GABBR2: variants seen among roughly 807,000 people sequenced by gnomAD.
The protein encoded by GABBR2 is G-protein coupled receptor 51.
GABBR2 carries 23 observed loss-of-function variants against 105.6 expected under a neutral mutation model. The observed-to-expected ratio is 0.22, with a 90% confidence interval of 0.16 to 0.31. GABBR2 has a LOEUF of 0.31. Ranked by LOEUF, GABBR2 falls within the 10% of genes least tolerant of loss-of-function variation. The probability of loss-of-function intolerance (pLI) is 1.00; values close to 1 mark genes in which losing one functional copy is unlikely to be tolerated. For missense variants in GABBR2, 734 were observed against 1,245.5 expected, an observed-to-expected ratio of 0.59 and a Z score of 6.18; for synonymous variants, 478 against 499.7, an observed-to-expected ratio of 0.96 and a Z score of 0.58.
At chr9:98,319,902 A>G (rs1231949747) in intron 13 of GABBR2, among the ~76,000 whole-genome samples, 3 of 152,224 alleles carry the variant, frequency 2.0e-5, no homozygotes, top group African/African-American at 7.2e-5. Flanking sequence ...AGTAAGATTC[A>G]GGACATAGGC....
At chr9:98,489,141 CA>C (rs773807409) in intron 4 of GABBR2, among the ~76,000 whole-genome samples, 13 of 152,188 alleles carry the variant, frequency 8.5e-5, no homozygotes, top group Non-Finnish European at 1.9e-4. Flanking sequence ...TATTTACAAA[CA>C]CAGAGAGTAG....
At chr9:98,427,451 G>C (rs146393204) in intron 7 of GABBR2, among the ~76,000 whole-genome samples, 1 of 152,112 alleles carries the variant, frequency 6.6e-6, no homozygotes, top group South Asian at 2.1e-4. Flanking sequence ...TATTTTTCTT[G>C]CTCAGCAACC....
chr9:98,449,514 T>C (rs1826195412), intron 7 of GABBR2, among the ~76,000 whole-genome samples: 3 of 152,096 alleles, frequency 2.0e-5, no homozygotes, highest in Non-Finnish European at 4.4e-5. Context: ...TGCTGTTTAA[T>C]ATGTGAATTC....
Position 98,437,626 on chromosome 9 carries a change from C to T in GABBR2, c.1236+16355G>A, listed in dbSNP as rs532414344. 2.1e-4 allele frequency among the ~76,000 whole-genome samples: 29 copies of T among 141,130 alleles called. 1 individual carries two copies. In the South Asian group the frequency reaches 6.5e-3, roughly 32 times the overall value. 92.6% of individuals were successfully genotyped at this position (141,130 alleles called of 152,430 possible). A position where few individuals can be genotyped will look rare whatever the true frequency, so the allele number is the denominator to read the frequency against. ...CTATGTCTGTCCTCTTATCTGCCCA[C>T]CTGCCATCTTCCTGTTAATCCATCC... is the stretch of plus-strand genomic sequence containing the variant. On this transcript the variant is annotated intron_variant, in intron 7 of 18. Transcript: ENST00000259455.
intron 1 of GABBR2, among the ~76,000 whole-genome samples, chr9:98,602,261 C>G (rs1020682336): frequency 1.3e-5 from 2 of 151,416 alleles, no homozygotes; most frequent in African/African-American, 4.9e-5. Context: ...ATCATGAGGT[C>G]AGGAGTTTGA....
chr9:98,543,790 C>G (rs981650821), intron 2 of GABBR2, among the ~76,000 whole-genome samples: 1 of 151,642 alleles, frequency 6.6e-6, no homozygotes, highest in Non-Finnish European at 1.5e-5. Context: ...GAAAATTAGC[C>G]CTTTATGATA....
intron 6 of GABBR2, 88 bp downstream of exon 6, chr9:98,473,058 A>G: frequency 2.1e-6 from 2 of 960,066 alleles, no homozygotes; most frequent in Non-Finnish European, 3.3e-6. Flanking sequence ...GACACAGGAC[A>G]ATAAATGTGC....
At chr9:98,678,040 C>T (rs980590) in intron 1 of GABBR2, among the ~76,000 whole-genome samples, 8,815 of 152,248 alleles carry the variant, frequency 0.058, 358 homozygotes, top group Non-Finnish European at 0.089. Context: ...AGCACGCAAG[C>T]TCTCTGGACG....
intron 9 of GABBR2, among the ~76,000 whole-genome samples, chr9:98,389,411 C>T (rs956762099): frequency 1.3e-5 from 2 of 152,230 alleles, no homozygotes; most frequent in African/African-American, 2.4e-5. Context: ...AAGATCTCTG[C>T]TCCTAAACAT....
chr9:98,418,033 A>C (rs1832718805), intron 7 of GABBR2, among the ~76,000 whole-genome samples: 1 of 152,114 alleles, frequency 6.6e-6, no homozygotes, highest in Admixed American at 6.5e-5. Context: ...AGAATGCAGG[A>C]GCCACATCAG....
intron 9 of GABBR2, among the ~76,000 whole-genome samples, chr9:98,391,252 C>A (rs1265472718): frequency 6.6e-6 from 1 of 152,166 alleles, no homozygotes; most frequent in African/African-American, 2.4e-5. Flanking sequence ...TTATTGAATG[C>A]CTATGACAAG....
chr9:98,649,266 C>A (rs1374528290), intron 1 of GABBR2, among the ~76,000 whole-genome samples: 3 of 152,154 alleles, frequency 2.0e-5, no homozygotes, highest in Non-Finnish European at 4.4e-5. Flanking sequence ...AACCTTAGAG[C>A]CTCCTTTACA....
At chr9:98,585,564 C>T (rs1829060637) in intron 1 of GABBR2, among the ~76,000 whole-genome samples, 2 of 151,554 alleles carry the variant, frequency 1.3e-5, no homozygotes, top group South Asian at 2.1e-4. Context: ...ATGGGTGCAG[C>T]ACACCAACAT....
At chr9:98,685,662 T>G (rs1166950128) in intron 1 of GABBR2, among the ~76,000 whole-genome samples, 1 of 152,198 alleles carries the variant, frequency 6.6e-6, no homozygotes, top group Admixed American at 6.5e-5. Context: ...TGACAAACAG[T>G]GTCTCCTTGA....
intron 1 of GABBR2, among the ~76,000 whole-genome samples, chr9:98,633,131 C>T (rs950105152): frequency 2.6e-5 from 4 of 152,164 alleles, no homozygotes; most frequent in African/African-American, 4.8e-5. Flanking sequence ...TTGGAAAATT[C>T]CTGAGAATTT....
intron 1 of GABBR2, among the ~76,000 whole-genome samples, chr9:98,618,921 C>T (rs1055457374): frequency 2.0e-5 from 3 of 152,190 alleles, no homozygotes; most frequent in African/African-American, 7.2e-5. Context: ...CTTCTATAAA[C>T]TGACAGCTTT....
At chr9:98,627,313 A>T (rs954824100) in intron 1 of GABBR2, among the ~76,000 whole-genome samples, 5 of 152,130 alleles carry the variant, frequency 3.3e-5, no homozygotes, top group African/African-American at 9.7e-5. Context: ...CCTCCTGAGA[A>T]AGGGTGCCTG....
chr9:98,348,885 A>C (rs1322102918), intron 13 of GABBR2, among the ~76,000 whole-genome samples: 1 of 151,524 alleles, frequency 6.6e-6, no homozygotes, highest in East Asian at 1.9e-4. Context: ...GAACAATTTG[A>C]CTCCCCCCTT....
chr9:98,585,150 C>T (rs1174541108), intron 1 of GABBR2, among the ~76,000 whole-genome samples: 1 of 152,088 alleles, frequency 6.6e-6, no homozygotes, highest in East Asian at 1.9e-4. Flanking sequence ...CCCCCAAATA[C>T]CTCCATCTAC....
Sources: allele counts gnomAD v4.1 joint callset (sites outside exome capture counted in the v4.1 genomes callset), GRCh38; gene constraint gnomAD v4.1.1; transcripts MANE v1.5; gene names NCBI Gene and HGNC (gene_info 2026-07-23, HGNC 2026-07-21).